The following SPATA13 variants were observed in gnomAD, a reference collection of about 807,000 sequenced individuals.
SPATA13 encodes spermatogenesis-associated protein 13.
SPATA13 carries 50 observed loss-of-function variants against 104.0 expected under a neutral mutation model. The observed-to-expected ratio is 0.48, with a 90% CI of 0.38 to 0.61. SPATA13 has a LOEUF of 0.61. SPATA13 is among the 20% of genes least tolerant of loss of function. SPATA13 has a pLI of 0.00. For missense variants in SPATA13, 1,524 were observed against 1,690.6 expected (o/e 0.90, Z 1.73); for synonymous variants, 606 against 667.5 (o/e 0.91, Z 1.42).
chr13:24,176,744 A>G (rs1868458133), intron 1 of SPATA13, among the ~76,000 whole-genome samples: 1 of 152,160 alleles, frequency 6.6e-6, no homozygotes, highest in South Asian at 2.1e-4. Flanking sequence ...GAAATGATTG[A>G]TTAGCTATTA....
rs527925381 is a variant in SPATA13, at chr13:24,046,620, T to C, written c.-112+28919T>C. Among the ~76,000 whole-genome samples, 30 of 151,048 alleles carry C rather than the reference T, an allele frequency of 2.0e-4. No individual in the cohort carries two copies. The South Asian group carries it at 5.9e-3, about 30-fold the overall frequency. ...ATCCATGATGTGTGGGTAGCAAGAG[T>C]TTGTTATTAGTTCCTGTAGCTGTAT... On this transcript the variant is annotated intron_variant, in intron 3 of 14. Coordinates refer to the SPATA13 transcript ENST00000424834.
At chr13:24,072,410 C>T (rs961750963) in intron 3 of SPATA13, among the ~76,000 whole-genome samples, 4 of 152,138 alleles carry the variant, frequency 2.6e-5, no homozygotes, top group South Asian at 2.1e-4. Flanking sequence ...GATTAATGTT[C>T]GCATTGAGCC....
chr13:24,087,256 T>G (rs1879756351), intron 3 of SPATA13, among the ~76,000 whole-genome samples: 1 of 152,116 alleles, frequency 6.6e-6, no homozygotes, highest in South Asian at 2.1e-4. Flanking sequence ...GCCTGGGACC[T>G]CCCCAGTCTT....
intron 3 of SPATA13, chr13:24,034,792 G>A (rs941121773): frequency 6.6e-6 from 1 of 152,306 alleles, no homozygotes; most frequent in Admixed American, 6.5e-5. Flanking sequence ...CAGAGTCCTA[G>A]GAGTGATTGT....
At chr13:24,141,472 A>C (rs1340447473) in intron 3 of SPATA13, among the ~76,000 whole-genome samples, 1 of 152,122 alleles carries the variant, frequency 6.6e-6, no homozygotes, top group East Asian at 1.9e-4. Flanking sequence ...ACAGGGTCCT[A>C]CTTACTCCTC....
chr13:24,125,190 G>A (rs566849935), intron 3 of SPATA13, among the ~76,000 whole-genome samples: 3 of 152,348 alleles, frequency 2.0e-5, no homozygotes, highest in African/African-American at 7.2e-5. Context: ...CGCTACACTG[G>A]CTCTGGAATC....
At chr13:24,086,897 C>T (rs1400457078) in intron 3 of SPATA13, among the ~76,000 whole-genome samples, 1 of 152,160 alleles carries the variant, frequency 6.6e-6, no homozygotes, top group Non-Finnish European at 1.5e-5. Context: ...AGAGGAGCAG[C>T]CCAGGAGGGA....
chr13:24,135,697 C>CAAAAA (rs34145507), intron 3 of SPATA13, among the ~76,000 whole-genome samples: 58 of 82,256 alleles, frequency 7.1e-4, no homozygotes, highest in East Asian at 3.4e-3. Flanking sequence ...GAATCCGTCT[C>CAAAAA]AAAAAAAAAA....
chr13:24,299,728 G>T (rs79542632), intron 11 of SPATA13, among the ~76,000 whole-genome samples: 1 of 152,174 alleles, frequency 6.6e-6, no homozygotes, highest in Non-Finnish European at 1.5e-5. Flanking sequence ...GGCTTCCCGC[G>T]GGAGAAGGCA....
chr13:24,236,820 A>G (rs1278090296), intron 2 of SPATA13, among the ~76,000 whole-genome samples: 1 of 152,178 alleles, frequency 6.6e-6, no homozygotes, highest in Non-Finnish European at 1.5e-5. Flanking sequence ...GGCTGCTGTG[A>G]AAAACAGTGT....
intron 3 of SPATA13, among the ~76,000 whole-genome samples, chr13:24,102,052 T>C (rs1880272802): frequency 1.3e-5 from 2 of 152,170 alleles, no homozygotes; most frequent in South Asian, 4.1e-4. Flanking sequence ...TTTGAGAAAT[T>C]TCTATATTTT....
At chr13:24,144,669 C>T (rs1031458980) in intron 3 of SPATA13, among the ~76,000 whole-genome samples, 2 of 151,198 alleles carry the variant, frequency 1.3e-5, no homozygotes, top group Admixed American at 6.6e-5. Context: ...ACCAGCCCCG[C>T]TGCAGCAGCC....
In SPATA13 at chr13:24,242,577, C is replaced by T. The variant is rs180898070; in HGVS notation, c.1654-6900C>T. ...TATCTTTCAGTAAATCCATTGTCTT[C>T]TCATCGTAAAATGGGGGTAATTACG... On this transcript the variant is annotated intron_variant, in intron 2 of 12. Coordinates refer to ENST00000382108, the MANE Select transcript of SPATA13 (RefSeq NM_001166271.3). Among the ~76,000 whole-genome samples, 575 of 152,254 alleles carry T rather than the reference C, an allele frequency of 3.8e-3. 2 individuals are homozygous for T. The highest frequency in any genetic ancestry group is 0.013 in the African/African-American group (548 of 41,542).
At chr13:24,007,660 A>G (rs1043591399) in intron 2 of SPATA13, among the ~76,000 whole-genome samples, 1 of 152,168 alleles carries the variant, frequency 6.6e-6, no homozygotes, top group Non-Finnish European at 1.5e-5. Context: ...TTTCTACTAA[A>G]AATGGCTATG....
chr13:24,222,852 A>G lies in SPATA13; in HGVS notation c.-78A>G. On this transcript the variant is annotated 5_prime_UTR_variant, in exon 2 of 13. Coordinates refer to ENST00000382108, the MANE Select transcript of SPATA13 (RefSeq NM_001166271.3). ...CACCCAGGAGCCCGATGTGCAAGGC[A>G]GGTGTGAGTGCCAGGACGGCATTCC... The G allele has an allele frequency of 6.5e-7, 1 of 1,536,100 alleles. No homozygotes were observed.
chr13:24,116,421 G>T (rs1880840900), intron 3 of SPATA13, among the ~76,000 whole-genome samples: 1 of 152,166 alleles, frequency 6.6e-6, no homozygotes, highest in Admixed American at 6.5e-5. Flanking sequence ...TATACATTGA[G>T]ATCTGAAAGG....
intron 1 of SPATA13, among the ~76,000 whole-genome samples, chr13:24,215,017 C>T (rs1380768105): frequency 6.6e-6 from 1 of 152,168 alleles, no homozygotes; most frequent in African/African-American, 2.4e-5. Context: ...CCAGAGTATT[C>T]CTGAATTCTG....
intron 1 of SPATA13, among the ~76,000 whole-genome samples, chr13:24,170,030 C>A (rs569606830): frequency 1.5e-3 from 227 of 152,300 alleles, no homozygotes; most frequent in African/African-American, 5.1e-3. Context: ...GAGTTCCAAA[C>A]CAGATAGCTT....
chr13:23,997,646 G>A (rs1213553261), intron 2 of SPATA13, among the ~76,000 whole-genome samples: 1 of 152,154 alleles, frequency 6.6e-6, no homozygotes, highest in Non-Finnish European at 1.5e-5. Flanking sequence ...CATCAGACCC[G>A]CATCTGCTTC....
Sources: gnomAD v4.1 joint callset for allele counts (sites outside exome capture counted in the v4.1 genomes callset) on GRCh38, gnomAD v4.1.1 for gene constraint, MANE v1.5 for transcripts, NCBI Gene and HGNC (gene_info 2026-07-23, HGNC 2026-07-21) for gene names.